Variants in PCDH7 observed in about 807,000 individuals in gnomAD.
PCDH7 encodes the protein protocadherin-7.
Under a neutral mutation model 58.9 loss-of-function variants are expected in PCDH7, and 17 were observed. The ratio of observed to expected loss-of-function variants is 0.29; its 90% CI spans 0.20 to 0.43. PCDH7 has a LOEUF of 0.43. Among genes scored for constraint, PCDH7 ranks in the 20% least tolerant of loss-of-function variants. The probability of loss-of-function intolerance (pLI) is 1.00; values close to 1 mark genes in which losing one functional copy is unlikely to be tolerated. For missense variants in PCDH7, 1,274 were observed against 1,441.0 expected (o/e 0.88, Z 1.88); for synonymous variants, 664 against 616.4 (o/e 1.08, Z -1.14).
intron 1 of PCDH7, among the ~76,000 whole-genome samples, chr4:30,852,530 T>G (rs921743877): frequency 1.3e-4 from 19 of 151,994 alleles, no homozygotes; most frequent in Non-Finnish European, 2.9e-5. Flanking sequence ...TATTAATATG[T>G]TAACCAAAAT....
intron 3 of PCDH7, among the ~76,000 whole-genome samples, chr4:31,081,434 T>G (rs1759496499): frequency 6.6e-6 from 1 of 152,194 alleles, no homozygotes; most frequent in Non-Finnish European, 1.5e-5. Context: ...TATAACATTT[T>G]ATAAATGGAA....
chr4:31,108,369 T>A (rs1715843679), intron 3 of PCDH7, among the ~76,000 whole-genome samples: 6 of 60,068 alleles, frequency 1.0e-4, no homozygotes, highest in East Asian at 5.1e-4. Flanking sequence ...CAGCATACAG[T>A]AAAAAAAAAA....
chr4:30,797,356 TC>T (rs1279861069), intron 1 of PCDH7, among the ~76,000 whole-genome samples: 1 of 151,556 alleles, frequency 6.6e-6, no homozygotes, highest in Non-Finnish European at 1.5e-5. Flanking sequence ...CACTGCAAGT[TC>T]CGCCTCCCGG....
In PCDH7 at chr4:30,926,281, T is replaced by C. The variant is rs1458235395; in HGVS notation, c.287+5912T>C. ...CTCACCGCAAGTTCCGCCTCCTGCG[T>C]TCAAACCATTCTGCTGCCTCAGCCT... On this transcript the variant is annotated intron_variant, in intron 2 of 3. Coordinates refer to the PCDH7 transcript ENST00000509759. 4.6e-5 allele frequency among the ~76,000 whole-genome samples: 7 copies of C among 151,980 alleles called. No individual in the cohort carries two copies. The East Asian group carries it at 1.4e-3, about 30-fold the overall frequency.
intron 3 of PCDH7, among the ~76,000 whole-genome samples, chr4:31,108,304 G>A (rs534235244): frequency 7.4e-6 from 1 of 135,562 alleles, no homozygotes; most frequent in East Asian, 2.3e-4. Context: ...AATTCAGCCA[G>A]TGTGTACTGA....
intron 1 of PCDH7, among the ~76,000 whole-genome samples, chr4:30,806,191 T>A (rs995125479): frequency 6.6e-6 from 1 of 152,156 alleles, no homozygotes; most frequent in Admixed American, 6.5e-5. Context: ...GTCCCCCAAA[T>A]TGGTACAAGC....
chr4:31,018,397 C>G (rs1367493215), intron 3 of PCDH7, among the ~76,000 whole-genome samples: 2 of 152,130 alleles, frequency 1.3e-5, no homozygotes, highest in African/African-American at 2.4e-5. Context: ...TTCCTTTAAA[C>G]CTTTTCCTCA....
At chr4:30,753,904 G>A (rs916647844) in intron 1 of PCDH7, among the ~76,000 whole-genome samples, 1 of 152,044 alleles carries the variant, frequency 6.6e-6, no homozygotes, top group African/African-American at 2.4e-5. Flanking sequence ...TTCAAATAAA[G>A]CATGAATTAG....
At chr4:30,756,272 C>T (rs1003945444) in intron 1 of PCDH7, among the ~76,000 whole-genome samples, 2 of 152,024 alleles carry the variant, frequency 1.3e-5, no homozygotes, top group Non-Finnish European at 2.9e-5. Context: ...CCCCGCTGTT[C>T]ATGAGGGATC....
intron 1 of PCDH7, chr4:30,724,926 T>C: frequency 9.2e-7 from 1 of 1,081,304 alleles, no homozygotes; most frequent in South Asian, 4.4e-5. Context: ...ATTACTTAGA[T>C]GGTTAGTTTT....
At chr4:30,816,372 C>T (rs9993447) in intron 1 of PCDH7, among the ~76,000 whole-genome samples, 3,789 of 152,212 alleles carry the variant, frequency 0.025, 177 homozygotes, top group African/African-American at 0.085. Flanking sequence ...TAGGGAAACG[C>T]TTAAGAAGGA....
intron 1 of PCDH7, among the ~76,000 whole-genome samples, chr4:30,755,170 G>T (rs928345858): frequency 6.6e-6 from 1 of 152,120 alleles, no homozygotes; most frequent in Admixed American, 6.5e-5. Flanking sequence ...CATCATATGC[G>T]TGCCATCCTA....
chr4:30,979,569 A>G (rs950704602), intron 3 of PCDH7, among the ~76,000 whole-genome samples: 2 of 151,866 alleles, frequency 1.3e-5, no homozygotes, highest in Non-Finnish European at 2.9e-5. Flanking sequence ...CTTCCATGTC[A>G]TACCAGAAAT....
chr4:30,822,625 T>A (rs374293492), intron 1 of PCDH7, among the ~76,000 whole-genome samples: 25 of 151,876 alleles, frequency 1.6e-4, no homozygotes, highest in Non-Finnish European at 3.1e-4. Context: ...AAATTTATAT[T>A]TTTTTTTAGT....
chr4:30,834,398 AAG>A (rs1730208266), intron 1 of PCDH7, among the ~76,000 whole-genome samples: 1 of 152,166 alleles, frequency 6.6e-6, no homozygotes, highest in Non-Finnish European at 1.5e-5. Flanking sequence ...CATTTTGTAG[AAG>A]AGGAAATTGA....
intron 3 of PCDH7, among the ~76,000 whole-genome samples, chr4:30,972,830 A>G (rs760608566): frequency 6.6e-5 from 10 of 152,176 alleles, no homozygotes; most frequent in Non-Finnish European, 1.2e-4. Flanking sequence ...GACTCACTGG[A>G]CAGCATAAAC....
intron 3 of PCDH7, among the ~76,000 whole-genome samples, chr4:31,073,617 G>A (rs975514978): frequency 6.6e-6 from 1 of 152,060 alleles, no homozygotes; most frequent in Non-Finnish European, 1.5e-5. Context: ...ATCAAAAGAA[G>A]CATATATGTC....
At chr4:31,053,098 T>A (rs1030673813) in intron 3 of PCDH7, among the ~76,000 whole-genome samples, 2 of 152,202 alleles carry the variant, frequency 1.3e-5, no homozygotes, top group Non-Finnish European at 2.9e-5. Flanking sequence ...TTGTTGGCAA[T>A]TTGTGATTTT....
intron 3 of PCDH7, among the ~76,000 whole-genome samples, chr4:30,981,446 A>G (rs1004504886): frequency 2.6e-5 from 4 of 152,214 alleles, no homozygotes; most frequent in Non-Finnish European, 5.9e-5. Context: ...GATGGGTAGC[A>G]CATGAAGCTT....
Sources: allele counts gnomAD v4.1 joint callset (sites outside exome capture counted in the v4.1 genomes callset), GRCh38; gene constraint gnomAD v4.1.1; transcripts MANE v1.5; gene names NCBI Gene and HGNC (gene_info 2026-07-23, HGNC 2026-07-21).